Variants in ZNF280B observed in about 807,000 individuals in gnomAD.
ZNF280B encodes the protein zinc finger protein 280B.
A neutral mutation model predicts 38.0 loss-of-function variants in ZNF280B; 16 were observed. The ratio of observed to expected loss-of-function variants is 0.42; its 90% CI spans 0.28 to 0.64. The LOEUF is 0.64. Ranked by LOEUF, ZNF280B falls within the 30% of genes least tolerant of loss-of-function variation. The pLI is 0.21. For missense variants in ZNF280B, 581 were observed against 639.6 expected, an observed-to-expected ratio of 0.91 and a Z score of 0.99; for synonymous variants, 253 against 230.6, an observed-to-expected ratio of 1.10 and a Z score of -0.88.
In ZNF280B at chr22:22,486,250, T is replaced by G. The variant is rs542525323; in HGVS notation, c.*1517A>C. 6.6e-6 allele frequency: 1 copy of G among 152,232 alleles called. No individual in the cohort carries two copies. Among genetic ancestry groups the G allele is most frequent in the East Asian group, 2.0e-4 (1 of 5,090 alleles). The allele number at this position is 152,232 out of a possible 1,614,324, so 9.4% of individuals were successfully genotyped here. On this transcript the variant is annotated 3_prime_UTR_variant, in exon 4 of 4. Coordinates refer to ENST00000626650, the MANE Select transcript of ZNF280B (RefSeq NM_080764.4). The stretch of plus-strand genomic sequence containing the variant: ...ATGTTCAATTAGGGTAAGATATATA[T>G]GCACAGAAAAATATAAAGCCATTAT...
chr22:22,487,692 T>C lies in ZNF280B; in HGVS notation c.*75A>G. On this transcript the variant is annotated 3_prime_UTR_variant, in exon 4 of 4. Coordinates refer to ENST00000626650, the MANE Select transcript of ZNF280B (RefSeq NM_080764.4). The stretch of plus-strand genomic sequence containing the variant: ...ATTTTTGGTGCTACTGAATAATGTA[T>C]GGTTTGTATTTTTTGTTTTATGAGG... The C allele has an allele frequency of 7.8e-7, 1 of 1,282,534 alleles. No homozygotes were observed. Among genetic ancestry groups the C allele is most frequent in the South Asian group, 1.5e-5 (1 of 67,278 alleles). The allele number at this position is 1,282,534 out of a possible 1,614,324, so 79.4% of individuals were successfully genotyped here.
At chr22:22,500,001 T>C (rs976883433) in intron 2 of ZNF280B, among the ~76,000 whole-genome samples, 1 of 151,922 alleles carries the variant, frequency 6.6e-6, no homozygotes, top group African/African-American at 2.4e-5. Context: ...CAAGTAAATA[T>C]ATTCAGTGTC....
rs2061540234 is a variant in ZNF280B at position 22,488,900 on chromosome 22, C to T, written c.499G>A (p.Glu167Lys). Reference sequence around the variant, plus strand: ...AGTTGCTTTGATACACGAGGACTTTCATTTATACCTCCTACTGAAAGTGCT... The same window carrying T: ...AGTTGCTTTGATACACGAGGACTTTTATTTATACCTCCTACTGAAAGTGCT... ...STALSVGGIN[E>K]SPRVSKQLST... Residue 167 changes from glutamate (E) to lysine (K), a missense_variant, in exon 4 of 4, where the codon GAA becomes AAA. Coordinates refer to ENST00000626650, the MANE Select transcript of ZNF280B (RefSeq NM_080764.4). 1 of 1,613,546 alleles carries T rather than the reference C, an allele frequency of 6.2e-7. No individual in the cohort carries two copies. Among genetic ancestry groups the T allele is most frequent in the Non-Finnish European group, 8.5e-7 (1 of 1,179,970 alleles).
intron 2 of ZNF280B, among the ~76,000 whole-genome samples, chr22:22,506,043 G>A (rs994713313): frequency 6.8e-6 from 1 of 146,644 alleles, no homozygotes; most frequent in African/African-American, 2.6e-5. Flanking sequence ...AAATCTAGAA[G>A]GCCCACAAGG....
In ZNF280B at chr22:22,487,851, A is replaced by G. The variant is rs1442936600; in HGVS notation, c.1548T>C (p.Asp516=). ...ATGTGCTCACAGTTATGGATGCTACATCCACTGATCCTGGCTGAAGAGGTT... is the reference window on the plus strand; with the variant it reads ...ATGTGCTCACAGTTATGGATGCTACGTCCACTGATCCTGGCTGAAGAGGTT... ...SLEPLQPGSV[D]VASITVSTSD... Residue 516 remains aspartate, a synonymous_variant, in exon 4 of 4, where the codon GAT becomes GAC. Transcript: ENST00000626650. The G allele has an allele frequency of 6.2e-7, 1 of 1,613,862 alleles. No individual in the cohort carries two copies.
chr22:22,488,426 C>T lies in ZNF280B; in HGVS notation c.973G>A (p.Val325Met), dbSNP rs537743866. The stretch of plus-strand genomic sequence containing the variant: ...TTCTCAAATTCCAAATGATGCTTCA[C>T]GTGATTCATAAACTTAACATTTTTT... Reference protein sequence around the residue: ...VLKNVKFMNHVKHHLEFEKQR... With the variant: ...VLKNVKFMNHMKHHLEFEKQR... The change falls in exon 4 of 4, where the codon GTG becomes ATG. Residue 325 changes from valine (V) to methionine (M), a missense_variant. Val to Met is a conservative substitution (Grantham distance 21). Coordinates refer to ENST00000626650, the MANE Select transcript of ZNF280B (RefSeq NM_080764.4). 5.6e-6 allele frequency: 9 copies of T among 1,613,880 alleles called. No individual in the cohort carries two copies. The highest frequency in any genetic ancestry group is 1.1e-5 in the South Asian group (1 of 91,068).
chr22:22,501,035 AAAAAAACAAAAAACCAAAAAAAC>A, intron 2 of ZNF280B, among the ~76,000 whole-genome samples: 1 of 140,320 alleles, frequency 7.1e-6, no homozygotes, highest in Non-Finnish European at 1.5e-5. Context: ...AAAAAAAAAA[AAAAAAACAAAAAACCAAAAAAAC>A]AAAAAACAGA....
At position 22,498,442 on chromosome 22, in the gene ZNF280B, C is replaced by T. The variant is rs956196877; in HGVS notation, c.-186-4262G>A. Among the ~76,000 whole-genome samples the T allele has an allele frequency of 7.9e-5, 12 of 151,814 alleles. 1 individual carries two copies. The highest frequency in any genetic ancestry group is 2.0e-4 in the Admixed American group (3 of 15,226). On this transcript the variant is annotated intron_variant, in intron 2 of 3. Transcript: ENST00000626650. Reference sequence around the variant, plus strand: ...AAATAAAGAGAATTATAAAGGAATACTATGAAAAATTATCTGTCAACAAAT... The same window carrying T: ...AAATAAAGAGAATTATAAAGGAATATTATGAAAAATTATCTGTCAACAAAT...
chr22:22,506,753 C>T (rs1420019739), intron 2 of ZNF280B, among the ~76,000 whole-genome samples: 3 of 151,876 alleles, frequency 2.0e-5, no homozygotes, highest in Non-Finnish European at 4.4e-5. Context: ...TAAACAAGTG[C>T]ACATGTAGAG....
chr22:22,507,229 A>G (rs527696215), intron 2 of ZNF280B, among the ~76,000 whole-genome samples: 1 of 152,080 alleles, frequency 6.6e-6, no homozygotes, highest in East Asian at 2.0e-4. Flanking sequence ...AAACCTCATG[A>G]GTGACCTTGA....
chr22:22,498,351 T>C (rs1290338750), intron 2 of ZNF280B, among the ~76,000 whole-genome samples: 1 of 152,010 alleles, frequency 6.6e-6, no homozygotes, highest in Non-Finnish European at 1.5e-5. Flanking sequence ...ACTGATGTTA[T>C]GTGACTTTCA....
At chr22:22,498,546 G>C (rs1329663021) in intron 2 of ZNF280B, among the ~76,000 whole-genome samples, 2 of 151,594 alleles carry the variant, frequency 1.3e-5, no homozygotes, top group Non-Finnish European at 2.9e-5. Context: ...AAATATGAAT[G>C]GATCCAAAAC....
At position 22,487,761 on chromosome 22, in the gene ZNF280B, C is replaced by G. The variant is rs777491859; in HGVS notation, c.*6G>C. On this transcript the variant is annotated 3_prime_UTR_variant, in exon 4 of 4. Transcript: ENST00000626650. ...AATACTTGCTTTAGATTTACTGAAA[C>G]TAGAATTAATGGGACTTTTTTGAAA... 9 of 1,559,234 alleles carry G rather than the reference C, an allele frequency of 5.8e-6. No individual in the cohort carries two copies. The highest frequency in any genetic ancestry group is 7.8e-6 in the Non-Finnish European group (9 of 1,157,778).
intron 3 of ZNF280B, among the ~76,000 whole-genome samples, chr22:22,492,038 T>C (rs905984685): frequency 1.3e-4 from 20 of 151,976 alleles, no homozygotes; most frequent in African/African-American, 4.8e-4. Flanking sequence ...AATTAGGATA[T>C]CAGTATCTAA....
intron 2 of ZNF280B, among the ~76,000 whole-genome samples, chr22:22,494,657 A>C (rs1242474313): frequency 6.6e-6 from 1 of 151,984 alleles, no homozygotes; most frequent in Non-Finnish European, 1.5e-5. Context: ...AATTCCAAAG[A>C]AAGCTGAGAG....
intron 1 of ZNF280B, among the ~76,000 whole-genome samples, chr22:22,508,084 G>A (rs1195070156): frequency 1.3e-5 from 2 of 151,880 alleles, no homozygotes; most frequent in African/African-American, 2.4e-5. Flanking sequence ...TCAAAAGCCT[G>A]CAAATCACCC....
intron 1 of ZNF280B, among the ~76,000 whole-genome samples, chr22:22,508,345 C>T (rs1293223555): frequency 6.6e-6 from 1 of 151,854 alleles, no homozygotes; most frequent in Non-Finnish European, 1.5e-5. Flanking sequence ...GGGAGGGGAG[C>T]GCACTGGGAG....
chr22:22,493,437 C>T (rs898068637), intron 3 of ZNF280B, among the ~76,000 whole-genome samples: 1 of 152,014 alleles, frequency 6.6e-6, no homozygotes, highest in Non-Finnish European at 1.5e-5. Context: ...TCTGCTAAAA[C>T]TGACTTAGTG....
intron 2 of ZNF280B, among the ~76,000 whole-genome samples, chr22:22,495,860 C>T (rs1307136793): frequency 6.6e-6 from 1 of 151,210 alleles, no homozygotes; most frequent in African/African-American, 2.4e-5. Context: ...GTGGCACAGT[C>T]TTGTGCACAG....
Sources: gnomAD v4.1 joint callset for allele counts (sites outside exome capture counted in the v4.1 genomes callset) on GRCh38, gnomAD v4.1.1 for gene constraint, MANE v1.5 for transcripts, NCBI Gene and HGNC (gene_info 2026-07-23, HGNC 2026-07-21) for gene names.